PAPPA2: variants seen among roughly 807,000 people sequenced by gnomAD.
PAPPA2 encodes the protein pappalysin 2.
PAPPA2 carries 86 observed loss-of-function variants against 176.4 expected under a neutral mutation model. The ratio of observed to expected loss-of-function variants is 0.49; its 90% confidence interval spans 0.41 to 0.58. The LOEUF is 0.58. Ranked by LOEUF, PAPPA2 falls within the 20% of genes least tolerant of loss-of-function variation. The probability of loss-of-function intolerance (pLI) is 0.00; values close to 1 mark genes in which losing one functional copy is unlikely to be tolerated. For missense variants in PAPPA2, 2,073 were observed against 2,256.9 expected, an observed-to-expected ratio of 0.92 and a Z score of 1.65; for synonymous variants, 809 against 852.2, an observed-to-expected ratio of 0.95 and a Z score of 0.88.
chr1:176,509,870 AAC>A (rs1648484759), intron 1 of PAPPA2, among the ~76,000 whole-genome samples: 2 of 148,260 alleles, frequency 1.3e-5, no homozygotes, highest in African/African-American at 5.0e-5. Flanking sequence ...AAAAAAAAAC[AAC>A]AAAAAAAACA....
chr1:176,466,183 G>C (rs544896404), intron 1 of PAPPA2, among the ~76,000 whole-genome samples: 1 of 151,982 alleles, frequency 6.6e-6, no homozygotes, highest in African/African-American at 2.4e-5. Flanking sequence ...AGCTTAATGA[G>C]GTCCTATATG....
chr1:176,582,435 CGAT>C (rs1653044285), intron 2 of PAPPA2, among the ~76,000 whole-genome samples: 1 of 152,094 alleles, frequency 6.6e-6, no homozygotes, highest in African/African-American at 2.4e-5. Flanking sequence ...CTGTTCAGTA[CGAT>C]ATTAGCGGTC....
intron 12 of PAPPA2, among the ~76,000 whole-genome samples, chr1:176,726,914 A>G (rs1377145160): frequency 6.6e-6 from 1 of 152,208 alleles, no homozygotes; most frequent in Non-Finnish European, 1.5e-5. Flanking sequence ...TCTGTGGAGA[A>G]ATAATATATA....
chr1:176,749,504 A>G (rs1279660801), intron 14 of PAPPA2, among the ~76,000 whole-genome samples: 1 of 152,222 alleles, frequency 6.6e-6, no homozygotes, highest in African/African-American at 2.4e-5. Flanking sequence ...TTTGTTGTAC[A>G]TTCTATGTGC....
At chr1:176,558,359 A>T (rs1651452657) in intron 2 of PAPPA2, among the ~76,000 whole-genome samples, 1 of 152,222 alleles carries the variant, frequency 6.6e-6, no homozygotes, top group African/African-American at 2.4e-5. Context: ...AATTAAGAAA[A>T]TATTCTCAGG....
At chr1:176,543,712 G>T (rs899774092) in intron 1 of PAPPA2, among the ~76,000 whole-genome samples, 2 of 152,188 alleles carry the variant, frequency 1.3e-5, no homozygotes, top group South Asian at 4.1e-4. Context: ...GTCTGTCAGG[G>T]ATTCTATGCC....
At chr1:176,469,311 C>A (rs1220852175) in intron 1 of PAPPA2, among the ~76,000 whole-genome samples, 2 of 152,180 alleles carry the variant, frequency 1.3e-5, no homozygotes, top group Non-Finnish European at 2.9e-5. Context: ...ATTAAATGCA[C>A]TAGTCCCTTC....
intron 17 of PAPPA2, among the ~76,000 whole-genome samples, chr1:176,775,258 T>C (rs1339413431): frequency 1.3e-5 from 2 of 152,176 alleles, no homozygotes; most frequent in Admixed American, 1.3e-4. Flanking sequence ...TTCAATACTT[T>C]CTAAATGGGT....
chr1:176,524,251 C>T (rs532293023), intron 1 of PAPPA2, among the ~76,000 whole-genome samples: 1 of 152,142 alleles, frequency 6.6e-6, no homozygotes, highest in South Asian at 2.1e-4. Flanking sequence ...AGAGTGCACT[C>T]AGCTCAGGCT....
chr1:176,674,281 G>GT (rs1348777500), intron 4 of PAPPA2, among the ~76,000 whole-genome samples: 1 of 152,002 alleles, frequency 6.6e-6, no homozygotes, highest in Non-Finnish European at 1.5e-5. Flanking sequence ...CATTTCAATA[G>GT]TTTTTTGGGG....
At chr1:176,527,415 G>C (rs1649558038) in intron 1 of PAPPA2, among the ~76,000 whole-genome samples, 1 of 152,180 alleles carries the variant, frequency 6.6e-6, no homozygotes, top group Non-Finnish European at 1.5e-5. Flanking sequence ...AATTTTTTGA[G>C]ATGTTTCTTC....
At chr1:176,838,476 A>G (rs1667359373) in intron 21 of PAPPA2, among the ~76,000 whole-genome samples, 1 of 152,232 alleles carries the variant, frequency 6.6e-6, no homozygotes, top group Non-Finnish European at 1.5e-5. Flanking sequence ...GTAGTGCTAG[A>G]TGAATAAGAT....
intron 1 of PAPPA2, among the ~76,000 whole-genome samples, chr1:176,555,060 A>G (rs577826960): frequency 1.3e-4 from 20 of 151,826 alleles, no homozygotes; most frequent in Non-Finnish European, 2.4e-4. Context: ...CCAAAACACT[A>G]TTGATTTTTT....
rs1387946476 is a variant in PAPPA2, at chr1:176,699,389, C to T, written c.3036C>T (p.His1012=). ...ACATCCCACTCACCATCAAACTGCA[C>T]GTGGATGGGAAGGTGTCGGGGGTGA... ...FCDIPLTIKL[H]VDGKVSGVKV... The change falls in exon 8 of 23, where the codon CAC becomes CAT. Residue 1012 remains histidine, a synonymous_variant. Coordinates refer to ENST00000367662, the MANE Select transcript of PAPPA2 (RefSeq NM_020318.3). 3.1e-6 allele frequency: 5 copies of T among 1,614,122 alleles called. No individual in the cohort carries two copies. Among genetic ancestry groups the T allele is most frequent in the Non-Finnish European group, 4.2e-6 (5 of 1,179,988 alleles).
chr1:176,594,720 T>C lies in PAPPA2; in HGVS notation c.1116T>C (p.Asp372=), dbSNP rs2102649843. 6 of 1,614,236 alleles carry C rather than the reference T, an allele frequency of 3.7e-6. No individual in the cohort carries two copies. The highest frequency in any genetic ancestry group is 5.1e-6 in the Non-Finnish European group (6 of 1,180,036). The change falls in exon 3 of 23, where the codon GAT becomes GAC. Residue 372 remains aspartate, a synonymous_variant. Coordinates refer to ENST00000367662, the MANE Select transcript of PAPPA2 (RefSeq NM_020318.3). ...GGACCCATGTGGCAGCCACTTACGA[T>C]GGACGGCACATGGCCCTGTATGTGG... ...GTWTHVAATY[D]GRHMALYVDG... is the part of the protein sequence containing the mutation.
At position 176,688,149 on chromosome 1, in the gene PAPPA2, C is replaced by G. The variant is rs78152760; in HGVS notation, c.2138-1988C>G. Among the ~76,000 whole-genome samples, 60 of 152,184 alleles carry G rather than the reference C, an allele frequency of 3.9e-4. 1 individual carries two copies. In the East Asian group the frequency reaches 0.011, roughly 27 times the overall value. ...AAGATTAGTTTTATTTAAGCCAAAA[C>G]TTACTTAGAAGTGGTGGGAAAGAAA... On this transcript the variant is annotated intron_variant, in intron 4 of 22. Transcript: ENST00000367662.
chr1:176,811,511 G>A (rs896050831), intron 21 of PAPPA2, among the ~76,000 whole-genome samples: 1 of 152,116 alleles, frequency 6.6e-6, no homozygotes, highest in South Asian at 2.1e-4. Context: ...TTAGGGTAGG[G>A]ATAATAATGG....
intron 9 of PAPPA2, among the ~76,000 whole-genome samples, chr1:176,704,531 T>C (rs1660795164): frequency 6.6e-6 from 1 of 152,220 alleles, no homozygotes; most frequent in South Asian, 2.1e-4. Flanking sequence ...CAACCATAGG[T>C]GGCTCTTTTT....
intron 4 of PAPPA2, among the ~76,000 whole-genome samples, chr1:176,674,656 T>A (rs776626646): frequency 6.6e-6 from 1 of 152,086 alleles, no homozygotes; most frequent in Non-Finnish European, 1.5e-5. Flanking sequence ...CTTTTTCCAC[T>A]CATTGATTAA....
Sources: allele counts gnomAD v4.1 joint callset (sites outside exome capture counted in the v4.1 genomes callset), GRCh38; gene constraint gnomAD v4.1.1; transcripts MANE v1.5; gene names NCBI Gene and HGNC (gene_info 2026-07-23, HGNC 2026-07-21).